The following SOS2 variants were observed in gnomAD, a reference collection of about 807,000 sequenced individuals.
SOS2 encodes the protein SOS Ras/Rho guanine nucleotide exchange factor 2.
SOS2 carries 65 observed loss-of-function variants against 148.2 expected under a neutral mutation model. The observed-to-expected ratio is 0.44, with a 90% CI of 0.36 to 0.54. The LOEUF (loss-of-function observed/expected upper bound fraction) is 0.54, where lower values mean the gene tolerates loss of function less well. Ranked by LOEUF, SOS2 falls within the 20% of genes least tolerant of loss-of-function variation. The pLI is 0.00. For synonymous variants in SOS2, 539 were observed against 537.1 expected (o/e 1.00, Z -0.05); for missense variants, 1,341 against 1,590.2 (o/e 0.84, Z 2.67).
intron 5 of SOS2, among the ~76,000 whole-genome samples, chr14:50,187,369 A>C (rs1172544055): frequency 8.4e-6 from 1 of 118,434 alleles, no homozygotes; most frequent in East Asian, 2.5e-4. Context: ...TTTTTTTGAG[A>C]AGAAGTCTCG....
At chr14:50,127,678 T>C (rs893089501) in intron 21 of SOS2, among the ~76,000 whole-genome samples, 31 of 152,326 alleles carry the variant, frequency 2.0e-4, no homozygotes, top group African/African-American at 5.8e-4. Context: ...CTGTATGACA[T>C]TGGGTCCTCT....
At chr14:50,223,257 C>T (rs960625152) in intron 1 of SOS2, among the ~76,000 whole-genome samples, 2 of 152,068 alleles carry the variant, frequency 1.3e-5, no homozygotes, top group African/African-American at 4.8e-5. Flanking sequence ...AAAAGTTGGC[C>T]GGGTGTGGTG....
chr14:50,172,519 C>A (rs1183081783), intron 8 of SOS2, among the ~76,000 whole-genome samples: 1 of 143,760 alleles, frequency 7.0e-6, no homozygotes, highest in African/African-American at 2.6e-5. Flanking sequence ...TGCCACCACC[C>A]CTAGCTAATT....
chr14:50,223,458 A>G (rs892095802), intron 1 of SOS2, among the ~76,000 whole-genome samples: 1 of 152,032 alleles, frequency 6.6e-6, no homozygotes, highest in East Asian at 1.9e-4. Flanking sequence ...GCAGGTGACG[A>G]GGTCAACAGA....
intron 10 of SOS2, among the ~76,000 whole-genome samples, chr14:50,158,917 G>A (rs1055037041): frequency 6.6e-6 from 1 of 152,126 alleles, no homozygotes; most frequent in African/African-American, 2.4e-5. Context: ...GGGTGAGGTG[G>A]CTCACGCCTA....
intron 9 of SOS2, 80 bp downstream of exon 9, chr14:50,161,402 A>G: frequency 1.8e-6 from 2 of 1,112,198 alleles, no homozygotes; most frequent in Non-Finnish European, 2.6e-6. Context: ...TATCACAATA[A>G]ATCACACTTC....
rs998882687 is a variant in SOS2, at chr14:50,117,753, A to G, written c.*591T>C. Reference sequence around the variant, plus strand: ...GTCTTTGTTTACATTTTGACAAAATAATAAACACTTACAGTGCCATTCTAT... The same window carrying G: ...GTCTTTGTTTACATTTTGACAAAATGATAAACACTTACAGTGCCATTCTAT... On this transcript the variant is annotated 3_prime_UTR_variant, in exon 23 of 23. Coordinates refer to ENST00000216373, the MANE Select transcript of SOS2 (RefSeq NM_006939.4). The G allele has an allele frequency of 2.6e-5, 4 of 152,260 alleles. No homozygotes were observed. The highest frequency in any genetic ancestry group is 7.2e-5 in the African/African-American group (3 of 41,460). 9.4% of individuals were successfully genotyped at this position (152,260 alleles called of 1,614,324 possible).
At chr14:50,152,412 A>G (rs1884690218) in intron 13 of SOS2, among the ~76,000 whole-genome samples, 2 of 152,220 alleles carry the variant, frequency 1.3e-5, no homozygotes, top group South Asian at 2.1e-4. Context: ...CATTAAAAGA[A>G]TAAGATTAAA....
intron 1 of SOS2, among the ~76,000 whole-genome samples, chr14:50,214,354 G>C (rs1271065927): frequency 6.6e-6 from 1 of 151,696 alleles, no homozygotes; most frequent in Non-Finnish European, 1.5e-5. Flanking sequence ...TTCTATGTTA[G>C]AAATATGTTT....
chr14:50,185,903 T>A (rs763527784), intron 5 of SOS2, among the ~76,000 whole-genome samples: 1 of 152,096 alleles, frequency 6.6e-6, no homozygotes, highest in Non-Finnish European at 1.5e-5. Context: ...ATTTTACAAA[T>A]GAGGAAACAG....
intron 11 of SOS2, among the ~76,000 whole-genome samples, chr14:50,157,712 T>C (rs1884863783): frequency 6.6e-6 from 1 of 152,136 alleles, no homozygotes. Flanking sequence ...TAAAACAACA[T>C]AGTGATAGAG....
At chr14:50,152,213 T>C (rs1286195166) in intron 13 of SOS2, among the ~76,000 whole-genome samples, 1 of 152,200 alleles carries the variant, frequency 6.6e-6, no homozygotes, top group Non-Finnish European at 1.5e-5. Context: ...TAATGTCAGA[T>C]AAAACATAAA....
intron 9 of SOS2, 51 bp from the exon 10 acceptor site, chr14:50,160,137 T>TTC: frequency 7.1e-7 from 1 of 1,410,904 alleles, no homozygotes; most frequent in South Asian, 1.3e-5. Flanking sequence ...ACCCAAATGG[T>TTC]TTCAAGCATA....
intron 1 of SOS2, 39 bp downstream of exon 1, chr14:50,231,158 C>CA (rs1220616551): frequency 7.9e-7 from 1 of 1,261,152 alleles, no homozygotes; most frequent in East Asian, 3.0e-5. Flanking sequence ...CTCGGGGGGC[C>CA]ACGGGCCACC....
intron 7 of SOS2, among the ~76,000 whole-genome samples, chr14:50,177,674 T>C (rs1313823076): frequency 6.6e-6 from 1 of 152,194 alleles, no homozygotes; most frequent in Non-Finnish European, 1.5e-5. Context: ...ACTTTAAAAA[T>C]ATTCCTCTCT....
chr14:50,145,179 A>G lies in SOS2; in HGVS notation c.2658T>C (p.His886=). 6.7e-7 allele frequency: 1 copy of G among 1,492,518 alleles called. No individual in the cohort carries two copies. Among genetic ancestry groups the G allele is most frequent in the Non-Finnish European group, 8.9e-7 (1 of 1,120,400 alleles). The allele number at this position is 1,492,518 out of a possible 1,614,324, so 92.5% of individuals were successfully genotyped here. The stretch of plus-strand genomic sequence containing the variant: ...TAAGCCTAAAACTTACCTCAAAGGT[A>G]TGGTCTAGTCTGTATACTGACACTG... The part of the protein sequence containing the change: ...VNSVSVYRLD[H]TFEALQERKR... The change falls in exon 16 of 23, where the codon CAT becomes CAC. Residue 886 remains histidine (H), a synonymous_variant. Coordinates refer to ENST00000216373, the MANE Select transcript of SOS2 (RefSeq NM_006939.4).
chr14:50,131,919 G>A (rs1566819776), intron 19 of SOS2, among the ~76,000 whole-genome samples: 1 of 152,132 alleles, frequency 6.6e-6, no homozygotes, highest in East Asian at 1.9e-4. Context: ...AGAAATGATA[G>A]CCAACACCAC....
chr14:50,170,210 A>T (rs970811118), intron 8 of SOS2, among the ~76,000 whole-genome samples: 2 of 151,866 alleles, frequency 1.3e-5, no homozygotes, highest in South Asian at 4.1e-4. Context: ...TGAGATTATA[A>T]GCATGAGGCA....
chr14:50,157,430 A>G (rs986234651), intron 11 of SOS2, among the ~76,000 whole-genome samples: 2 of 152,160 alleles, frequency 1.3e-5, no homozygotes, highest in African/African-American at 4.8e-5. Flanking sequence ...TTATCTAACA[A>G]TGTCTTTAAT....
Sources: allele counts gnomAD v4.1 joint callset (sites outside exome capture counted in the v4.1 genomes callset), GRCh38; gene constraint gnomAD v4.1.1; transcripts MANE v1.5; gene names NCBI Gene and HGNC (gene_info 2026-07-23, HGNC 2026-07-21).